The following ESRRG variants were observed in gnomAD, a reference collection of about 807,000 sequenced individuals.
ESRRG encodes estrogen-related receptor gamma.
ESRRG carries 13 observed loss-of-function variants against 44.0 expected under a neutral mutation model. The ratio of observed to expected loss-of-function variants is 0.30; its 90% CI spans 0.19 to 0.47. ESRRG has a LOEUF of 0.47. Among genes scored for constraint, ESRRG ranks in the 20% least tolerant of loss-of-function variants. The pLI is 1.00. For missense variants in ESRRG, 395 were observed against 580.6 expected (o/e 0.68, Z 3.29); for synonymous variants, 215 against 214.6 (o/e 1.00, Z -0.02).
intron 1 of ESRRG, among the ~76,000 whole-genome samples, chr1:217,111,425 C>T (rs2092659951): frequency 6.6e-6 from 1 of 152,126 alleles, no homozygotes. Context: ...GTGGACTATC[C>T]AGCTGTAAGT....
At chr1:216,715,018 C>G (rs1490919622) in intron 1 of ESRRG, 1 of 920,770 alleles carries the variant, frequency 1.1e-6, no homozygotes, top group Non-Finnish European at 1.3e-6. Flanking sequence ...TTGTTCCTCA[C>G]CTCCCTTTGC....
chr1:216,742,701 T>A (rs2152238954), intron 2 of ESRRG, among the ~76,000 whole-genome samples: 1 of 151,970 alleles, frequency 6.6e-6, no homozygotes, highest in Admixed American at 6.6e-5. Context: ...ACAGAGTAAG[T>A]AAAATTGCAG....
intron 5 of ESRRG, among the ~76,000 whole-genome samples, chr1:216,558,131 A>T (rs2057963387): frequency 6.6e-6 from 1 of 152,198 alleles, no homozygotes. Flanking sequence ...CTCTTGAACT[A>T]GATCTCTGCC....
chr1:217,039,368 C>A (rs61816726), intron 1 of ESRRG, among the ~76,000 whole-genome samples: 42,805 of 152,046 alleles, frequency 0.28, 7,284 homozygotes, highest in Non-Finnish European at 0.4. Flanking sequence ...CGAGACTGGG[C>A]AATTTACAAA....
chr1:216,519,239 T>C lies in ESRRG; in HGVS notation c.1045A>G (p.Ile349Val), dbSNP rs370879764. The change falls in exon 6 of 7, where the codon ATC becomes GTC. Residue 349 changes from isoleucine to valine, a missense_variant. This residue lies in a region of ESRRG where 167 missense variants were observed against 251.8 expected (regional missense o/e 0.66). Coordinates refer to ENST00000408911, the MANE Select transcript of ESRRG (RefSeq NM_001438.4). ...LAGLLDLNNA[I>V]LQLVKKYKSM... is the part of the protein sequence containing the mutation. ...TTGTATTTCTTTACCAGCTGCAGGA[T>C]AGCATTATTTAGATCAAGAAGGCCT... is the stretch of plus-strand genomic sequence containing the variant. The C allele has an allele frequency of 4.3e-6, 7 of 1,613,596 alleles. No homozygotes were observed. In the South Asian group the frequency reaches 5.5e-5, roughly 13 times the overall value.
At chr1:216,858,044 G>T (rs2095981392) in intron 2 of ESRRG, among the ~76,000 whole-genome samples, 1 of 152,082 alleles carries the variant, frequency 6.6e-6, no homozygotes, top group Admixed American at 6.6e-5. Flanking sequence ...GTAAAATAAT[G>T]AGAAAAATAG....
chr1:217,063,773 C>A (rs556344509), intron 1 of ESRRG, among the ~76,000 whole-genome samples: 166 of 152,272 alleles, frequency 1.1e-3, no homozygotes, highest in African/African-American at 3.6e-3. Context: ...TTACTGGATG[C>A]AACCCTCTAG....
Position 217,133,826 on chromosome 1 carries a change from A to G in ESRRG, c.-230+3841T>C, listed in dbSNP as rs373510205. Among the ~76,000 whole-genome samples the G allele has an allele frequency of 1.4e-4, 21 of 152,078 alleles. No homozygotes were observed. The East Asian group carries it at 1.7e-3, about 13-fold the overall frequency. On this transcript the variant is annotated intron_variant, in intron 1 of 8. Transcript: ENST00000366940. ...CAACAGCTAAGATAAACCCTCAACCAAAGAGCTGAGCGCATTTACAGTTGG... is the reference window on the plus strand; with the variant it reads ...CAACAGCTAAGATAAACCCTCAACCGAAGAGCTGAGCGCATTTACAGTTGG...
At chr1:216,526,758 T>C (rs551897016) in intron 5 of ESRRG, among the ~76,000 whole-genome samples, 1 of 152,268 alleles carries the variant, frequency 6.6e-6, no homozygotes, top group South Asian at 2.1e-4. Context: ...GAGCTAATCA[T>C]GAAGCACAAG....
chr1:216,610,416 A>G (rs1303809397), intron 3 of ESRRG, among the ~76,000 whole-genome samples: 1 of 152,172 alleles, frequency 6.6e-6, no homozygotes, highest in Non-Finnish European at 1.5e-5. Context: ...AAGGCATTTG[A>G]AGAATATTTA....
At chr1:216,762,594 T>A (rs867762610) in intron 2 of ESRRG, among the ~76,000 whole-genome samples, 1 of 151,546 alleles carries the variant, frequency 6.6e-6, no homozygotes. Flanking sequence ...TTGGGAGATA[T>A]ACCTAATGCT....
intron 1 of ESRRG, among the ~76,000 whole-genome samples, chr1:216,945,599 C>G (rs191562983): frequency 2.1e-4 from 32 of 152,294 alleles, no homozygotes; most frequent in Non-Finnish European, 3.5e-4. Context: ...ATTTTGCAAA[C>G]TTCTCCTTTC....
intron 2 of ESRRG, among the ~76,000 whole-genome samples, chr1:216,849,363 C>T (rs981575522): frequency 1.3e-4 from 20 of 152,052 alleles, no homozygotes; most frequent in East Asian, 1.9e-4. Context: ...AACTGGAATT[C>T]GTCACATGAA....
chr1:216,775,212 C>T (rs1211026593), intron 2 of ESRRG, among the ~76,000 whole-genome samples: 1 of 152,018 alleles, frequency 6.6e-6, no homozygotes, highest in African/African-American at 2.4e-5. Flanking sequence ...CCTTCTGTCA[C>T]CTGTTGTTCA....
Position 216,627,877 on chromosome 1 carries a change from C to T in ESRRG, c.589+23096G>A, listed in dbSNP as rs59611670. 7.5e-3 allele frequency among the ~76,000 whole-genome samples: 1,145 copies of T among 152,152 alleles called. 13 individuals carry two copies. The highest frequency in any genetic ancestry group is 0.027 in the African/African-American group (1,106 of 41,510). ...AACTATTAGGAGAATGAAAGTATTC[C>T]TATGCTTGTTTTTGTATTTACAGTA... is the stretch of plus-strand genomic sequence containing the variant. On this transcript the variant is annotated intron_variant, in intron 3 of 6. Coordinates refer to ENST00000408911, the MANE Select transcript of ESRRG (RefSeq NM_001438.4).
rs398103697 is a variant in ESRRG at position 216,750,767 on chromosome 1, TAA to T, written c.-13-73278_-13-73277del. 1.4e-3 allele frequency among the ~76,000 whole-genome samples: 209 copies of T among 150,882 alleles called. 1 individual carries two copies. The highest frequency in any genetic ancestry group is 4.5e-3 in the African/African-American group (185 of 41,222). ...CTAAAGAGAGTTATTTACCTTTTTT[TAA>T]AAAAAAACTCAAAGCCATAACAATT... On this transcript the variant is annotated intron_variant, in intron 2 of 7. Coordinates refer to the ESRRG transcript ENST00000359162.
chr1:216,723,961 G>C (rs970168204), upstream of ESRRG, among the ~76,000 whole-genome samples: 1 of 152,028 alleles, frequency 6.6e-6, no homozygotes, highest in African/African-American at 2.4e-5. Context: ...CGGCTTATTT[G>C]GTGCTGTACT....
At chr1:217,056,080 T>C (rs927309928) in intron 1 of ESRRG, among the ~76,000 whole-genome samples, 12 of 152,102 alleles carry the variant, frequency 7.9e-5, no homozygotes, top group African/African-American at 2.9e-4. Context: ...ACATTTCTGG[T>C]CCCTAAAATC....
chr1:217,034,147 C>T (rs2082479705), intron 1 of ESRRG, among the ~76,000 whole-genome samples: 1 of 152,098 alleles, frequency 6.6e-6, no homozygotes, highest in South Asian at 2.1e-4. Flanking sequence ...CAGTTATTTA[C>T]ATATAATAGA....
Sources: allele counts gnomAD v4.1 joint callset (sites outside exome capture counted in the v4.1 genomes callset), GRCh38; gene constraint gnomAD v4.1.1; regional missense constraint gnomAD v4.1.1; transcripts MANE v1.5; gene names NCBI Gene and HGNC (gene_info 2026-07-23, HGNC 2026-07-21).